CLK1: variants seen among roughly 807,000 people sequenced by gnomAD.
CLK1 encodes CDC like kinase 1, also known as dual specificity protein kinase CLK1.
Under a neutral mutation model 60.9 loss-of-function variants are expected in CLK1, and 40 were observed. The ratio of observed to expected loss-of-function variants is 0.66; its 90% CI spans 0.51 to 0.86. The LOEUF (loss-of-function observed/expected upper bound fraction) is 0.86. Ranked by LOEUF, CLK1 falls within the 40% of genes least tolerant of loss-of-function variation. The pLI, the probability that CLK1 is intolerant of heterozygous loss-of-function variation, is 0.00. For missense variants in CLK1, 563 were observed against 606.1 expected (o/e 0.93, Z 0.75); for synonymous variants, 203 against 184.4 (o/e 1.10, Z -0.82).
rs368303873 is a variant in CLK1 at position 200,861,378 on chromosome 2, A to G, written c.250T>C (p.Cys84Arg). 89 of 1,614,056 alleles carry G rather than the reference A, an allele frequency of 5.5e-5. No individual in the cohort carries two copies. Among genetic ancestry groups the G allele is most frequent in the Non-Finnish European group, 7.2e-5 (85 of 1,180,040 alleles). Residue 84 changes from cysteine to arginine, a missense_variant, in exon 3 of 13, where the codon TGT (cysteine) becomes CGT (arginine). Coordinates refer to ENST00000321356, the MANE Select transcript of CLK1 (RefSeq NM_004071.4). The stretch of plus-strand genomic sequence containing the variant: ...TCTCTTTGGCGATGTCCAGGTTCAC[A>G]TCCTTGAGTGTAGTCATTTCTGTAC... ...DEYRNDYTQG[C>R]EPGHRQRDHE...
Position 200,856,952 on chromosome 2 carries a change from A to G in CLK1, c.866T>C (p.Leu289Ser), listed in dbSNP as rs1427035631. The G allele has an allele frequency of 6.2e-7, 1 of 1,614,120 alleles. No individual in the cohort carries two copies. Among genetic ancestry groups the G allele is most frequent in the Non-Finnish European group, 8.5e-7 (1 of 1,180,006 alleles). ...CACAAATAAGATGTTTTCAGGCTTT[A>G]AGTCTGTGTGAGTCAACTTATTACT... ...LHSNKLTHTD[L>S]KPENILFVQS... The change falls in exon 8 of 13, where the codon TTA (leucine) becomes TCA (serine). Residue 289 changes from leucine to serine, a missense_variant. Physicochemically the swap from Leu to Ser is moderately radical, Grantham distance 145. Coordinates refer to ENST00000321356, the MANE Select transcript of CLK1 (RefSeq NM_004071.4).
chr2:200,859,804 C>A (rs2039105428), intron 4 of CLK1, 58 bp from the exon 5 acceptor site: 2 of 1,598,620 alleles, frequency 1.3e-6, no homozygotes, highest in Non-Finnish European at 1.7e-6. Context: ...GTACTTATCA[C>A]AATAAATGCT....
In CLK1 at chr2:200,854,006, C is replaced by CAAT. The variant is rs1279154472; in HGVS notation, c.1221-16_1221-14dup. The CAAT allele has an allele frequency of 6.3e-7, 1 of 1,575,696 alleles. No homozygotes were observed. Among genetic ancestry groups the CAAT allele is most frequent in the Admixed American group, 1.7e-5 (1 of 58,974 alleles). On this transcript the variant is annotated splice_polypyrimidine_tract_variant and intron_variant, in intron 11 of 12. Coordinates refer to ENST00000321356, the MANE Select transcript of CLK1 (RefSeq NM_004071.4). ...ATATTTACGTTTCCTAAAAATAAGT[C>CAAT]AATATCCATTCATGTTTATAACACT...
rs1473101377 is a variant in CLK1 at position 200,861,749 on chromosome 2, G to A, written c.114C>T (p.Ala38=). 6.2e-7 allele frequency: 1 copy of A among 1,613,924 alleles called. No homozygotes were observed. The highest frequency in any genetic ancestry group is 1.1e-5 in the South Asian group (1 of 91,066). The change falls in exon 2 of 13, where the codon GCC becomes GCT. Residue 38 remains alanine (A), a synonymous_variant. Transcript: ENST00000321356. ...HKRRKRSHSS[A]QENKRCKYNH... ...TGTATTTGCAGCGCTTGTTCTCCTG[G>A]GCACTGCTATGTGATCTCTTCCTTC...
At chr2:200,864,422 C>T (rs767228322) in intron 1 of CLK1, 142 bp downstream of exon 1, 84 of 688,932 alleles carry the variant, frequency 1.2e-4, no homozygotes, top group Non-Finnish European at 1.8e-4. Flanking sequence ...CGCCACTGTG[C>T]AGCCTGGGAG....
intron 7 of CLK1, 39 bp from the exon 8 acceptor site, chr2:200,857,024 C>A: frequency 6.6e-7 from 1 of 1,510,874 alleles, no homozygotes; most frequent in Non-Finnish European, 9.1e-7. Context: ...CAGAAAACAC[C>A]AAACCAAACC....
chr2:200,853,421 T>C lies in CLK1; in HGVS notation c.1340A>G (p.His447Arg), dbSNP rs567781207. The C allele has an allele frequency of 4.1e-5, 65 of 1,602,260 alleles. No homozygotes were observed. Among genetic ancestry groups the C allele is most frequent in the South Asian group, 8.0e-5 (7 of 87,996 alleles). Residue 447 changes from histidine to arginine, a missense_variant, in exon 13 of 13, where the codon CAT becomes CGT. By Grantham distance (29) the His-to-Arg change is conservative. Around this residue, in one of 3 missense-constraint regions of CLK1, gnomAD observed 360 missense variants for 407.0 expected, o/e 0.88. Coordinates refer to ENST00000321356, the MANE Select transcript of CLK1 (RefSeq NM_004071.4). ...KEFMLSQDVE[H>R]ERLFDLIQKM... ...CTGAATGAGGTCAAAGAGACGCTCA[T>C]GTTCAACATCTTGAGAAAGCATAAA... is the stretch of plus-strand genomic sequence containing the variant.
rs181420491 is a variant in CLK1 at position 200,854,902 on chromosome 2, C to G, written c.1140+102G>C. 4.5e-5 allele frequency: 40 copies of G among 886,762 alleles called. No homozygotes were observed. In the African/African-American group the frequency reaches 6.6e-4, roughly 15 times the overall value. 54.9% of individuals were successfully genotyped at this position (886,762 alleles called of 1,614,324 possible). ...TATGAATTAGTTTATTTATGCTTAT[C>G]TACAATTAATAGTCTATAATGGGGG... On this transcript the variant is annotated intron_variant, in intron 10 of 12. Coordinates refer to ENST00000321356, the MANE Select transcript of CLK1 (RefSeq NM_004071.4).
intron 2 of CLK1, 63 bp downstream of exon 2, chr2:200,861,639 A>G (rs1216509707): frequency 1.9e-6 from 3 of 1,582,386 alleles, no homozygotes; most frequent in East Asian, 4.5e-5. Flanking sequence ...ACTTATTTTA[A>G]GTGATACTAG....
chr2:200,854,206 C>T (rs906445042), intron 11 of CLK1: 12 of 425,890 alleles, frequency 2.8e-5, no homozygotes, highest in Non-Finnish European at 3.7e-5. Flanking sequence ...TCCTAATCAG[C>T]GCCTGAGACT....
At position 200,861,858 on chromosome 2, in the gene CLK1, C is replaced by G. The variant is rs1410072784; in HGVS notation, c.5G>C (p.Arg2Thr). 14 of 1,613,702 alleles carry G rather than the reference C, an allele frequency of 8.7e-6. 1 individual carries two copies. The highest frequency in any genetic ancestry group is 1.2e-5 in the Non-Finnish European group (14 of 1,179,904). The part of the protein sequence containing the change: M[R>T]HSKRTYCPDW... Reference sequence around the variant, plus strand: ...AGGACAGTAAGTTCTCTTTGAGTGTCTCATCTACATAAAAGGCAAGTTTTT... The same window carrying G: ...AGGACAGTAAGTTCTCTTTGAGTGTGTCATCTACATAAAAGGCAAGTTTTT... The change falls in exon 2 of 13, where the codon AGA (arginine) becomes ACA (threonine). Residue 2 changes from arginine to threonine, a missense_variant. Arg to Thr is a moderately conservative substitution (Grantham distance 71, BLOSUM62 -1). This residue lies in a region of CLK1 where 198 missense variants were observed against 179.2 expected (regional missense o/e 1.10). Coordinates refer to ENST00000321356, the MANE Select transcript of CLK1 (RefSeq NM_004071.4).
intron 1 of CLK1, chr2:200,863,954 A>C (rs1575083310): frequency 1.1e-6 from 1 of 905,066 alleles, no homozygotes; most frequent in African/African-American, 1.7e-5. Flanking sequence ...CTTCAAATAC[A>C]CCCCAGCATT....
In CLK1 at chr2:200,861,843, G is replaced by C. The variant is rs140005351; in HGVS notation, c.20C>G (p.Thr7Ser). MRHSKRTYCPDWDDKDW... is the reference protein window; with the variant it reads MRHSKRSYCPDWDDKDW... ...CTTGTCATCCCAATCAGGACAGTAA[G>C]TTCTCTTTGAGTGTCTCATCTACAT... The change falls in exon 2 of 13, where the codon ACT becomes AGT. Residue 7 changes from threonine to serine, a missense_variant. By Grantham distance (58) the Thr-to-Ser change is moderately conservative. Coordinates refer to ENST00000321356, the MANE Select transcript of CLK1 (RefSeq NM_004071.4). 9.3e-6 allele frequency: 15 copies of C among 1,613,850 alleles called. No individual in the cohort carries two copies. Among genetic ancestry groups the C allele is most frequent in the Non-Finnish European group, 1.2e-5 (14 of 1,179,988 alleles).
At chr2:200,857,648 T>C in intron 7 of CLK1, 70 bp downstream of exon 7, 3 of 1,319,754 alleles carry the variant, frequency 2.3e-6, no homozygotes, top group Non-Finnish European at 3.1e-6. Context: ...TTGTACACAC[T>C]TAGGATGCAC....
intron 5 of CLK1, 38 bp from the exon 6 acceptor site, chr2:200,858,127 C>T: frequency 7.9e-7 from 1 of 1,272,856 alleles, no homozygotes; most frequent in Non-Finnish European, 1.2e-6. Context: ...GAATGACAGA[C>T]ATGATGCTCA....
chr2:200,861,924 G>C, intron 1 of CLK1, 62 bp from the exon 2 acceptor site: 4 of 1,483,576 alleles, frequency 2.7e-6, no homozygotes, highest in South Asian at 1.2e-5. Context: ...TTTAAAATTC[G>C]TAATTACAAA....
intron 11 of CLK1, 145 bp downstream of exon 11, chr2:200,854,471 G>T (rs948801882): frequency 3.1e-5 from 17 of 555,164 alleles, no homozygotes; most frequent in Non-Finnish European, 5.1e-5. Flanking sequence ...AGGAGGGAGA[G>T]CTTGCATTGA....
Position 200,859,725 on chromosome 2 carries a change from CCT to C in CLK1, c.501_502del (p.Gly168Ter). 1 of 1,613,328 alleles carries C rather than the reference CCT, an allele frequency of 6.2e-7. No individual in the cohort carries two copies. The highest frequency in any genetic ancestry group is 1.1e-5 in the South Asian group (1 of 90,984). On this transcript the variant is annotated frameshift_variant, in exon 5 of 13. Coordinates refer to ENST00000321356, the MANE Select transcript of CLK1 (RefSeq NM_004071.4). LOFTEE classifies it high-confidence loss of function. ...CACAACTTTTCCAAAAGCTCCTTCA[CCT>C]AAAGTATCAACAATTTCATCTAAAA...
intron 5 of CLK1, among the ~76,000 whole-genome samples, chr2:200,859,053 G>A (rs1403660756): frequency 6.6e-6 from 1 of 151,936 alleles, no homozygotes; most frequent in Non-Finnish European, 1.5e-5. Context: ...ATGGTGGCGC[G>A]TGTCTGTAGT....
Sources: allele counts gnomAD v4.1 joint callset (sites outside exome capture counted in the v4.1 genomes callset), GRCh38; gene constraint gnomAD v4.1.1; regional missense constraint gnomAD v4.1.1; transcripts MANE v1.5; gene names NCBI Gene and HGNC (gene_info 2026-07-23, HGNC 2026-07-21).